Variants in ERLIN1 observed in about 807,000 individuals in gnomAD.
ERLIN1 encodes ER lipid raft associated 1, also known as erlin-1.
In ERLIN1, 24 loss-of-function variants were observed where a neutral mutation model predicts 46.9. That is an observed-to-expected ratio of 0.51 (90% CI 0.37 to 0.72). The LOEUF is 0.72. Ranked by LOEUF, ERLIN1 falls within the 30% of genes least tolerant of loss-of-function variation. ERLIN1 has a pLI of 0.00. For synonymous variants in ERLIN1, 158 were observed against 143.2 expected (o/e 1.10, Z -0.74); for missense variants, 293 against 417.9 (o/e 0.70, Z 2.61).
chr10:100,153,320 T>A (rs568941092), intron 10 of ERLIN1, among the ~76,000 whole-genome samples: 77 of 152,068 alleles, frequency 5.1e-4, no homozygotes, highest in African/African-American at 1.8e-3. Context: ...TTAAAACTCG[T>A]CGACCACCAG....
At position 100,154,133 on chromosome 10, in the gene ERLIN1, C is replaced by T. The variant is rs1159853656; in HGVS notation, c.825+727G>A. Among the ~76,000 whole-genome samples, 4 of 152,194 alleles carry T rather than the reference C, an allele frequency of 2.6e-5. No homozygotes were observed. The East Asian group carries it at 7.7e-4, about 29-fold the overall frequency. On this transcript the variant is annotated intron_variant, in intron 10 of 10. Transcript: ENST00000421367. ...ATAACCTTATAAATCTTGGACATAC[C>T]CTTCCCTTCTCAGAATACTATCGGA...
chr10:100,157,908 G>C (rs528165098), intron 8 of ERLIN1, among the ~76,000 whole-genome samples: 1 of 152,256 alleles, frequency 6.6e-6, no homozygotes, highest in Non-Finnish European at 1.5e-5. Context: ...CAAAAGGCCA[G>C]AGAGAAAACC....
chr10:100,173,933 C>G (rs1010864540), intron 6 of ERLIN1, among the ~76,000 whole-genome samples: 1 of 152,184 alleles, frequency 6.6e-6, no homozygotes, highest in Non-Finnish European at 1.5e-5. Flanking sequence ...ATAACCATTA[C>G]TGTATCTTAA....
chr10:100,172,644 G>A (rs2134154152), intron 6 of ERLIN1, among the ~76,000 whole-genome samples: 1 of 152,230 alleles, frequency 6.6e-6, no homozygotes, highest in Non-Finnish European at 1.5e-5. Flanking sequence ...CCATCCATAT[G>A]GTAACAATCA....
At chr10:100,163,476 A>G (rs1043311636) in intron 8 of ERLIN1, among the ~76,000 whole-genome samples, 1 of 152,176 alleles carries the variant, frequency 6.6e-6, no homozygotes, top group African/African-American at 2.4e-5. Flanking sequence ...TATTTAATTA[A>G]AGATGTATTA....
chr10:100,161,045 T>C (rs76105834), intron 8 of ERLIN1, among the ~76,000 whole-genome samples: 147 of 152,330 alleles, frequency 9.7e-4, no homozygotes, highest in East Asian at 8.9e-3. Context: ...GTACAGCAAA[T>C]GTCACTGGGA....
intron 2 of ERLIN1, among the ~76,000 whole-genome samples, chr10:100,183,194 T>C (rs1395949829): frequency 6.6e-6 from 1 of 152,220 alleles, no homozygotes; most frequent in Non-Finnish European, 1.5e-5. Flanking sequence ...AAGATACTTA[T>C]TTTATTGTCT....
At chr10:100,180,216 G>A (rs949910455) in intron 2 of ERLIN1, among the ~76,000 whole-genome samples, 5 of 152,142 alleles carry the variant, frequency 3.3e-5, no homozygotes, top group African/African-American at 1.2e-4. Context: ...ACTTCCTGCT[G>A]TACTCTAAGG....
rs199940449 is a variant in ERLIN1, at chr10:100,155,456, T to TG, written c.746-518dup. On this transcript the variant is annotated intron_variant, in intron 9 of 10. Coordinates refer to ENST00000421367, the MANE Select transcript of ERLIN1 (RefSeq NM_006459.4). Reference sequence around the variant, plus strand: ...AACTGTTTTTCCCCCCAATTAATTTTGTTTTTTTTTTGGACAGGTGGAAAA... The same window carrying TG: ...AACTGTTTTTCCCCCCAATTAATTTTGGTTTTTTTTTTGGACAGGTGGAAAA... Among the ~76,000 whole-genome samples the TG allele has an allele frequency of 3.5e-3, 533 of 150,628 alleles. 3 individuals are homozygous for TG. The highest frequency in any genetic ancestry group is 0.012 in the African/African-American group (489 of 39,960).
chr10:100,182,404 G>A (rs1844713156), intron 2 of ERLIN1, among the ~76,000 whole-genome samples: 1 of 152,008 alleles, frequency 6.6e-6, no homozygotes, highest in South Asian at 2.1e-4. Context: ...TGTTGATGAG[G>A]TTATGTAATT....
At chr10:100,169,201 A>G (rs908676126) in intron 6 of ERLIN1, among the ~76,000 whole-genome samples, 1 of 152,184 alleles carries the variant, frequency 6.6e-6, no homozygotes, top group Non-Finnish European at 1.5e-5. Context: ...AGAGAGAGCT[A>G]TTCTCCTTTC....
Position 100,185,832 on chromosome 10 carries a change from G to A in ERLIN1, c.-206C>T. On this transcript the variant is annotated 5_prime_UTR_variant, in exon 1 of 11. Transcript: ENST00000421367. The stretch of plus-strand genomic sequence containing the variant: ...AACTCCTCCGCCCCCGGAGGCCAGT[G>A]GGCCGCCCCTGCTCGGTGAGCTTCC... The A allele has an allele frequency of 3.4e-6, 2 of 587,662 alleles. No homozygotes were observed. The highest frequency in any genetic ancestry group is 2.9e-5 in the East Asian group (1 of 34,654). The allele number at this position is 587,662 out of a possible 1,614,324, so 36.4% of individuals were successfully genotyped here. A position where few individuals can be genotyped will look rare whatever the true frequency, so the allele number is the denominator to read the frequency against.
At chr10:100,174,351 C>CA (rs1400056225) in intron 5 of ERLIN1, 70 bp from the exon 6 acceptor site, 5 of 1,073,434 alleles carry the variant, frequency 4.7e-6, no homozygotes, top group Non-Finnish European at 7.0e-6. Context: ...CATAATGAAA[C>CA]AAAACTAATC....
chr10:100,185,825 G>A lies in ERLIN1; in HGVS notation c.-199C>T. On this transcript the variant is annotated 5_prime_UTR_variant, in exon 1 of 11. Coordinates refer to ENST00000421367, the MANE Select transcript of ERLIN1 (RefSeq NM_006459.4). ...CCTTGCCAACTCCTCCGCCCCCGGA[G>A]GCCAGTGGGCCGCCCCTGCTCGGTG... 3.4e-6 allele frequency: 2 copies of A among 588,188 alleles called. No homozygotes were observed. The highest frequency in any genetic ancestry group is 6.1e-6 in the Non-Finnish European group (2 of 329,524). 36.4% of individuals were successfully genotyped at this position (588,188 alleles called of 1,614,324 possible). A position where few individuals can be genotyped will look rare whatever the true frequency, so the allele number is the denominator to read the frequency against.
intron 7 of ERLIN1, among the ~76,000 whole-genome samples, chr10:100,166,378 T>G (rs1589530165): frequency 6.6e-6 from 1 of 151,244 alleles, no homozygotes; most frequent in African/African-American, 2.4e-5. Context: ...CAGTGAGCCG[T>G]GATTGTGCCA....
chr10:100,182,740 T>C (rs980113197), intron 2 of ERLIN1, among the ~76,000 whole-genome samples: 1 of 152,144 alleles, frequency 6.6e-6, no homozygotes, highest in African/African-American at 2.4e-5. Flanking sequence ...GAGCTATAGA[T>C]CAGAAGAGGA....
Position 100,154,953 on chromosome 10 carries a change from A to G in ERLIN1, c.746-14T>C. ...GGAATGCAGCATCTAGCAAATAAACAAAGGAAAGGTGTCAATCCATTCCCT... is the reference window on the plus strand; with the variant it reads ...GGAATGCAGCATCTAGCAAATAAACGAAGGAAAGGTGTCAATCCATTCCCT... On this transcript the variant is annotated splice_polypyrimidine_tract_variant and intron_variant, in intron 9 of 10. Coordinates refer to ENST00000421367, the MANE Select transcript of ERLIN1 (RefSeq NM_006459.4). 2.5e-6 allele frequency: 4 copies of G among 1,610,080 alleles called. No individual in the cohort carries two copies. The highest frequency in any genetic ancestry group is 3.4e-6 in the Non-Finnish European group (4 of 1,176,420).
At chr10:100,183,982 T>C in intron 1 of ERLIN1, 145 bp from the exon 2 acceptor site, 1 of 609,780 alleles carries the variant, frequency 1.6e-6, no homozygotes, top group East Asian at 2.8e-5. Flanking sequence ...AATGAACAAC[T>C]GCTTAAAATA....
chr10:100,176,057 C>T lies in ERLIN1; in HGVS notation c.318G>A (p.Val106=), dbSNP rs1189739025. 1 of 1,611,880 alleles carries T rather than the reference C, an allele frequency of 6.2e-7. No individual in the cohort carries two copies. The highest frequency in any genetic ancestry group is 8.5e-7 in the Non-Finnish European group (1 of 1,178,774). ...MLAPYAVFDI[V]RNYTADYDKT... is the part of the protein sequence containing the mutation. ...TGTCATAATCTGCAGTATAGTTCCTCACGATATCAAACACTGAAGGAGAGG... is the reference window on the plus strand; with the variant it reads ...TGTCATAATCTGCAGTATAGTTCCTTACGATATCAAACACTGAAGGAGAGG... Residue 106 remains valine (V), a synonymous_variant, in exon 5 of 11, where the codon GTG becomes GTA. Coordinates refer to ENST00000421367, the MANE Select transcript of ERLIN1 (RefSeq NM_006459.4).
Sources: gnomAD v4.1 joint callset for allele counts (sites outside exome capture counted in the v4.1 genomes callset) on GRCh38, gnomAD v4.1.1 for gene constraint, MANE v1.5 for transcripts, NCBI Gene and HGNC (gene_info 2026-07-23, HGNC 2026-07-21) for gene names.